The following GRM4 variants were observed in gnomAD, a reference collection of about 807,000 sequenced individuals.
GRM4 encodes the protein metabotropic glutamate receptor 4.
GRM4 carries 28 observed loss-of-function variants against 81.7 expected under a neutral mutation model. That is an observed-to-expected ratio of 0.34 (90% CI 0.25 to 0.47). GRM4 has a LOEUF of 0.47. GRM4 is among the 20% of genes least tolerant of loss of function. The pLI, the probability that GRM4 is intolerant of heterozygous loss-of-function variation, is 1.00. For synonymous variants in GRM4, 488 were observed against 528.8 expected, an observed-to-expected ratio of 0.92 and a Z score of 1.06; for missense variants, 948 against 1,290.0, an observed-to-expected ratio of 0.73 and a Z score of 4.06.
intron 3 of GRM4, among the ~76,000 whole-genome samples, chr6:34,067,597 TCTTCCTCCCTTCATGC>T (rs1334046141): frequency 9.0e-6 from 1 of 111,568 alleles, no homozygotes; most frequent in African/African-American, 4.6e-5. Flanking sequence ...TCCCTCCCTT[TCTTCCTCCCTTCATGC>T]CTTCCTCCCT....
intron 3 of GRM4, among the ~76,000 whole-genome samples, chr6:34,077,350 G>A (rs144323470): frequency 3.9e-4 from 59 of 152,204 alleles, no homozygotes; most frequent in African/African-American, 6.0e-4. Flanking sequence ...ATAGCTCAGC[G>A]TCCCTGGGGC....
At chr6:34,103,915 G>A (rs1768982391) in intron 2 of GRM4, 1 of 1,294,424 alleles carries the variant, frequency 7.7e-7, no homozygotes, top group Non-Finnish European at 1.0e-6. Flanking sequence ...AATTGGCCCA[G>A]ATGTTCAGAG....
chr6:34,154,965 G>T, intron 1 of GRM4: 2 of 826,396 alleles, frequency 2.4e-6, no homozygotes, highest in Non-Finnish European at 3.4e-6. Context: ...CCCAGCGGCC[G>T]GGCCTGGGGC....
At chr6:34,102,586 T>A (rs1426826767) in intron 2 of GRM4, among the ~76,000 whole-genome samples, 3 of 152,080 alleles carry the variant, frequency 2.0e-5, no homozygotes, top group Non-Finnish European at 4.4e-5. Context: ...TCCCCTGAAC[T>A]CCACCTTCAC....
chr6:34,101,045 A>G (rs781278716), intron 2 of GRM4, among the ~76,000 whole-genome samples: 12 of 152,216 alleles, frequency 7.9e-5, no homozygotes, highest in Non-Finnish European at 1.3e-4. Context: ...AGCGGTAAAC[A>G]TTAGGCTCCA....
rs749495090 is a variant in GRM4, at chr6:34,096,744, G to C, written c.520-4645C>G. Among the ~76,000 whole-genome samples the C allele has an allele frequency of 3.0e-4, 46 of 152,382 alleles. 1 individual carries two copies. Among genetic ancestry groups the C allele is most frequent in the Middle Eastern group, 6.8e-3 (2 of 294 alleles). On this transcript the variant is annotated intron_variant, in intron 2 of 10. Coordinates refer to ENST00000538487, the MANE Select transcript of GRM4 (RefSeq NM_000841.4). ...GCAGCCACCACCCAGGAGAGCCTCA[G>C]CTGAGGTAAGGGGTGAGTGACTGAG...
chr6:34,033,743 TTTTC>T (rs766694742), intron 9 of GRM4, among the ~76,000 whole-genome samples: 4 of 152,004 alleles, frequency 2.6e-5, no homozygotes, highest in Non-Finnish European at 5.9e-5. Context: ...ATTTCTTTTC[TTTTC>T]TTTTTCATGA....
upstream of GRM4, among the ~76,000 whole-genome samples, chr6:34,148,030 C>G (rs1257426092): frequency 6.7e-6 from 1 of 150,004 alleles, no homozygotes; most frequent in South Asian, 2.2e-4. Context: ...TGCTTTCACT[C>G]TGGCCATAAT....
intron 2 of GRM4, among the ~76,000 whole-genome samples, chr6:34,127,985 G>A (rs1770085480): frequency 6.6e-6 from 1 of 152,166 alleles, no homozygotes; most frequent in African/African-American, 2.4e-5. Context: ...GGCACATGCA[G>A]CCCAACATGG....
intron 10 of GRM4, among the ~76,000 whole-genome samples, chr6:34,025,273 A>C (rs924425619): frequency 6.6e-6 from 1 of 152,132 alleles, no homozygotes; most frequent in Non-Finnish European, 1.5e-5. Context: ...TGCGAATCAC[A>C]GCAGGCCAGG....
chr6:34,072,081 CACAG>C (rs1215195582), intron 3 of GRM4, among the ~76,000 whole-genome samples: 23 of 152,108 alleles, frequency 1.5e-4, no homozygotes, highest in South Asian at 4.1e-4. Flanking sequence ...AGATACCACA[CACAG>C]ACACACAATC....
chr6:34,103,717 A>T (rs1275205321), intron 2 of GRM4: 1 of 1,520,548 alleles, frequency 6.6e-7, no homozygotes, highest in Non-Finnish European at 8.8e-7. Context: ...TTTTCCAAGG[A>T]GGGCTCAAAG....
intron 10 of GRM4, chr6:34,024,616 G>A: frequency 4.4e-6 from 2 of 454,904 alleles, no homozygotes; most frequent in Non-Finnish European, 4.4e-6. Flanking sequence ...GGTCCACCAT[G>A]GGACCAGTAG....
chr6:34,059,394 A>ATGC lies in GRM4; in HGVS notation c.873-267_873-266insGCA. 1 of 517,432 alleles carries ATGC rather than the reference A, an allele frequency of 1.9e-6. No homozygotes were observed. The highest frequency in any genetic ancestry group is 3.5e-6 in the Non-Finnish European group (1 of 284,056). The allele number at this position is 517,432 out of a possible 1,614,324, so 32.1% of individuals were successfully genotyped here. A position where few individuals can be genotyped will look rare whatever the true frequency, so the allele number is the denominator to read the frequency against. ...AGGCCCAGCGTGATTCTCCAGGCCT[A>ATGC]CATCTGTCCCTGCAAAGACCACACC... is the stretch of plus-strand genomic sequence containing the variant. On this transcript the variant is annotated intron_variant, in intron 4 of 10. Coordinates refer to ENST00000538487, the MANE Select transcript of GRM4 (RefSeq NM_000841.4). The surrounding 1 kb of genome is among the most constrained non-coding windows in gnomAD (Gnocchi z 5.7).
At chr6:34,081,853 G>A (rs1219594873) in intron 3 of GRM4, among the ~76,000 whole-genome samples, 1 of 152,224 alleles carries the variant, frequency 6.6e-6, no homozygotes, top group African/African-American at 2.4e-5. Flanking sequence ...GGGACTTGGA[G>A]TGCCAGGAAC....
chr6:34,123,625 G>A (rs962363082), intron 2 of GRM4, among the ~76,000 whole-genome samples: 3 of 152,148 alleles, frequency 2.0e-5, no homozygotes, highest in Admixed American at 6.5e-5. Context: ...CACACTCCAC[G>A]GTCTACACGC....
chr6:34,116,334 A>G (rs1769596302), intron 2 of GRM4, among the ~76,000 whole-genome samples: 1 of 152,190 alleles, frequency 6.6e-6, no homozygotes, highest in Non-Finnish European at 1.5e-5. Context: ...CTCACACAAG[A>G]TAACCTGTGT....
intron 2 of GRM4, chr6:34,103,790 G>A (rs1768974688): frequency 7.6e-6 from 11 of 1,447,704 alleles, no homozygotes; most frequent in East Asian, 2.5e-5. Flanking sequence ...CCTCCTTTGT[G>A]AGCCTCAGTC....
chr6:34,071,928 GCA>G (rs1561791195), intron 3 of GRM4, among the ~76,000 whole-genome samples: 1 of 9,054 alleles, frequency 1.1e-4, no homozygotes, highest in Admixed American at 1.2e-3. Flanking sequence ...CAGATACACA[GCA>G]CACACAGACA....
Sources: allele counts gnomAD v4.1 joint callset (sites outside exome capture counted in the v4.1 genomes callset), GRCh38; gene constraint gnomAD v4.1.1; non-coding constraint Gnocchi (gnomAD v3.1); transcripts MANE v1.5; gene names NCBI Gene and HGNC (gene_info 2026-07-23, HGNC 2026-07-21).